ARFGEF2: variants seen among roughly 807,000 people sequenced by gnomAD.
ARFGEF2 encodes the protein ARF guanine nucleotide exchange factor 2, also known as brefeldin A-inhibited guanine nucleotide-exchange protein 2.
A neutral mutation model predicts 219.9 loss-of-function variants in ARFGEF2; 74 were observed. The observed-to-expected ratio is 0.34, with a 90% confidence interval of 0.28 to 0.41. ARFGEF2 has a LOEUF of 0.41. Among genes scored for constraint, ARFGEF2 ranks in the 10% least tolerant of loss-of-function variants. The pLI is 1.00. For missense variants in ARFGEF2, 1,743 were observed against 2,218.3 expected (o/e 0.79, Z 4.30); for synonymous variants, 733 against 799.2 (o/e 0.92, Z 1.40).
Position 48,951,442 on chromosome 20 carries a change from T to A in ARFGEF2, c.396T>A (p.Asp132Glu). ...GTTGTTTTCAGGGCCCTCAGACTGA[T>A]GAAGGGGTTCAGTTACAAATAATTA... Reference protein sequence around the residue: ...ICSCFQGPQTDEGVQLQIIKA... With the variant: ...ICSCFQGPQTEEGVQLQIIKA... The change falls in exon 4 of 39, where the codon GAT becomes GAA. Residue 132 changes from aspartate (D) to glutamate (E), a missense_variant. This residue lies in a region of ARFGEF2 where 394 missense variants were observed against 426.6 expected (regional missense o/e 0.92). Coordinates refer to ENST00000371917, the MANE Select transcript of ARFGEF2 (RefSeq NM_006420.3). 1 of 1,614,224 alleles carries A rather than the reference T, an allele frequency of 6.2e-7. No homozygotes were observed. Among genetic ancestry groups the A allele is most frequent in the Non-Finnish European group, 8.5e-7 (1 of 1,180,042 alleles).
chr20:49,014,251 G>C (rs951416856), intron 30 of ARFGEF2, among the ~76,000 whole-genome samples: 4 of 151,862 alleles, frequency 2.6e-5, no homozygotes, highest in African/African-American at 9.7e-5. Context: ...GGTCGTTGTA[G>C]TTGTTTTGTT....
At position 49,018,982 on chromosome 20, in the gene ARFGEF2, G is replaced by C. The variant is rs2091547708; in HGVS notation, c.4608G>C (p.Lys1536Asn). ...CTAACCCAACAGATGACAGCTGGAAGGGTAGACCATACGCAAGTAAGGCCA... is the reference window on the plus strand; with the variant it reads ...CTAACCCAACAGATGACAGCTGGAACGGTAGACCATACGCAAGTAAGGCCA... Reference protein sequence around the residue: ...QLSNPTDDSWKGRPYANQKLF... With the variant: ...QLSNPTDDSWNGRPYANQKLF... Residue 1536 changes from lysine to asparagine, a missense_variant, in exon 34 of 39, where the codon AAG becomes AAC. Around this residue, in one of 5 missense-constraint regions of ARFGEF2, gnomAD observed 578 missense variants for 664.0 expected, o/e 0.87. Transcript: ENST00000371917. 1.2e-6 allele frequency: 2 copies of C among 1,613,728 alleles called. No homozygotes were observed. The highest frequency in any genetic ancestry group is 2.2e-5 in the South Asian group (2 of 91,056).
intron 25 of ARFGEF2, among the ~76,000 whole-genome samples, chr20:49,001,456 G>A (rs2091424788): frequency 6.6e-6 from 1 of 152,160 alleles, no homozygotes; most frequent in Admixed American, 6.5e-5. Context: ...CAATCCAGCT[G>A]TAACTTAGCC....
rs2091250845 is a variant in ARFGEF2, at chr20:48,974,823, G to A, written c.1723G>A (p.Val575Met). 1 of 1,614,040 alleles carries A rather than the reference G, an allele frequency of 6.2e-7. No homozygotes were observed. Among genetic ancestry groups the A allele is most frequent in the South Asian group, 1.1e-5 (1 of 91,036 alleles). Reference sequence around the variant, plus strand: ...CCTCGTGTCCATTCTCAAGTGCATGGTGGAGTGGAGCAAAGACCTGTATGT... The same window carrying A: ...CCTCGTGTCCATTCTCAAGTGCATGATGGAGTGGAGCAAAGACCTGTATGT... ...ECLVSILKCM[V>M]EWSKDLYVNP... Residue 575 changes from valine to methionine, a missense_variant, in exon 13 of 39, where the codon GTG (valine) becomes ATG (methionine). Coordinates refer to ENST00000371917, the MANE Select transcript of ARFGEF2 (RefSeq NM_006420.3).
intron 3 of ARFGEF2, among the ~76,000 whole-genome samples, chr20:48,944,460 A>G (rs2091013438): frequency 6.6e-6 from 1 of 151,968 alleles, no homozygotes. Flanking sequence ...CAAGGAAACC[A>G]AGGCTTAGGG....
Position 49,016,306 on chromosome 20 carries a change from C to T in ARFGEF2, c.4206C>T (p.Cys1402=). The part of the protein sequence containing the change: ...SEKSEWMTTT[C]NHALYAICDV... ...AATCTGAGTGGATGACAACAACCTGCAATCACGCACTTTATGCTATTTGTG... is the reference window on the plus strand; with the variant it reads ...AATCTGAGTGGATGACAACAACCTGTAATCACGCACTTTATGCTATTTGTG... Residue 1402 remains cysteine (C), a synonymous_variant, in exon 31 of 39, where the codon TGC becomes TGT. Coordinates refer to ENST00000371917, the MANE Select transcript of ARFGEF2 (RefSeq NM_006420.3). 2 of 1,614,014 alleles carry T rather than the reference C, an allele frequency of 1.2e-6. No homozygotes were observed. The highest frequency in any genetic ancestry group is 1.7e-6 in the Non-Finnish European group (2 of 1,179,950).
At chr20:48,999,926 AAAAAAAC>A (rs1429286024) in intron 25 of ARFGEF2, among the ~76,000 whole-genome samples, 1 of 152,136 alleles carries the variant, frequency 6.6e-6, no homozygotes, top group Admixed American at 6.5e-5. Flanking sequence ...TAGTGTTAGT[AAAAAAAC>A]AATCCAGAAA....
intron 14 of ARFGEF2, among the ~76,000 whole-genome samples, chr20:48,981,121 G>GT (rs1393276244): frequency 6.6e-6 from 1 of 152,200 alleles, no homozygotes; most frequent in East Asian, 1.9e-4. Context: ...GCTTGTACCA[G>GT]TTGTTCCTTT....
chr20:49,002,641 T>A (rs1467787044), intron 25 of ARFGEF2, among the ~76,000 whole-genome samples: 1 of 152,226 alleles, frequency 6.6e-6, no homozygotes, highest in Non-Finnish European at 1.5e-5. Context: ...GATAGCATTT[T>A]GCTCTTATTG....
At chr20:48,982,762 A>T (rs1462808547) in intron 14 of ARFGEF2, among the ~76,000 whole-genome samples, 1 of 152,192 alleles carries the variant, frequency 6.6e-6, no homozygotes, top group Admixed American at 6.5e-5. Flanking sequence ...CTGCTGAGCC[A>T]GCAGTGAGCA....
Position 48,975,743 on chromosome 20 carries a change from C to G in ARFGEF2, c.1775-273C>G, listed in dbSNP as rs374278076. On this transcript the variant is annotated intron_variant, in intron 13 of 38. Coordinates refer to ENST00000371917, the MANE Select transcript of ARFGEF2 (RefSeq NM_006420.3). ...TTGAACCTGTGAGGTGGAGGTTGCA[C>G]TGAGCCGAGATCGTGCCACTGCACT... Among the ~76,000 whole-genome samples, 15 of 141,570 alleles carry G rather than the reference C, an allele frequency of 1.1e-4. 1 individual carries two copies. The highest frequency in any genetic ancestry group is 8.9e-4 in the South Asian group (4 of 4,494). The allele number at this position is 141,570 out of a possible 152,430, so 92.9% of individuals were successfully genotyped here.
chr20:48,974,118 ATTTTT>A (rs57941437), intron 12 of ARFGEF2, among the ~76,000 whole-genome samples: 10 of 70,068 alleles, frequency 1.4e-4, no homozygotes, highest in Non-Finnish European at 2.2e-4. Context: ...TTGAGTGTGA[ATTTTT>A]TTTTTTTTTT....
At position 48,941,860 on chromosome 20, in the gene ARFGEF2, C is replaced by T. The variant is rs764226726; in HGVS notation, c.153-4C>T. 1 of 1,614,192 alleles carries T rather than the reference C, an allele frequency of 6.2e-7. No homozygotes were observed. On this transcript the variant is annotated splice_region_variant and splice_polypyrimidine_tract_variant and intron_variant, in intron 2 of 38. Coordinates refer to ENST00000371917, the MANE Select transcript of ARFGEF2 (RefSeq NM_006420.3). ...CTCCCGACCCTCTCTTGCTTTTCTCCTAGGCTTGGCACTGCTGCACCACCA... is the reference window on the plus strand; with the variant it reads ...CTCCCGACCCTCTCTTGCTTTTCTCTTAGGCTTGGCACTGCTGCACCACCA...
intron 14 of ARFGEF2, among the ~76,000 whole-genome samples, chr20:48,976,866 A>G (rs7274173): frequency 0.034 from 5,202 of 152,088 alleles, 161 homozygotes; most frequent in South Asian, 0.086. Flanking sequence ...TTTTCCAACT[A>G]TATATTACAT....
chr20:48,925,355 A>G (rs1405862207), intron 1 of ARFGEF2, among the ~76,000 whole-genome samples: 1 of 152,220 alleles, frequency 6.6e-6, no homozygotes, highest in African/African-American at 2.4e-5. Flanking sequence ...TTTGATATAT[A>G]TTAATAATCT....
intron 26 of ARFGEF2, 120 bp from the exon 27 acceptor site, chr20:49,010,112 A>C: frequency 1.6e-6 from 2 of 1,271,536 alleles, no homozygotes; most frequent in Non-Finnish European, 2.2e-6. Flanking sequence ...CAGAGCCCAA[A>C]TGTGGATTGC....
At chr20:48,950,741 A>G (rs1169442990) in intron 3 of ARFGEF2, among the ~76,000 whole-genome samples, 1 of 144,160 alleles carries the variant, frequency 6.9e-6, no homozygotes, top group African/African-American at 2.5e-5. Flanking sequence ...GGCATCAGTG[A>G]GCCATGACCG....
rs371997124 is a variant in ARFGEF2 at position 48,984,885 on chromosome 20, G to A, written c.2070+45G>A. The A allele has an allele frequency of 7.4e-6, 12 of 1,611,718 alleles. No individual in the cohort carries two copies. The African/African-American group carries it at 8.0e-5, about 11-fold the overall frequency. ...CACTTGCATGTGAGTTCTGTCAGGT[G>A]ATTGTGAGCCCTTACCAGTTTTAAC... On this transcript the variant is annotated intron_variant, in intron 15 of 38. Transcript: ENST00000371917.
At chr20:48,963,777 T>C in intron 6 of ARFGEF2, 53 bp from the exon 7 acceptor site, 1 of 1,565,324 alleles carries the variant, frequency 6.4e-7, no homozygotes, top group Non-Finnish European at 8.8e-7. Flanking sequence ...TCTCTTCCTT[T>C]GTTTTTCCTG....
Sources: gnomAD v4.1 joint callset for allele counts (sites outside exome capture counted in the v4.1 genomes callset) on GRCh38, gnomAD v4.1.1 for gene constraint, gnomAD v4.1.1 regional missense constraint, MANE v1.5 for transcripts, NCBI Gene and HGNC (gene_info 2026-07-23, HGNC 2026-07-21) for gene names.